The following TIAM2 variants were observed in gnomAD, a reference collection of about 807,000 sequenced individuals.
The protein encoded by TIAM2 is rho guanine nucleotide exchange factor TIAM2.
In TIAM2, 80 loss-of-function variants were observed where a neutral mutation model predicts 152.9. The ratio of observed to expected loss-of-function variants is 0.52; its 90% CI spans 0.44 to 0.63. TIAM2 has a LOEUF of 0.63. Ranked by LOEUF, TIAM2 falls within the 30% of genes least tolerant of loss-of-function variation. The pLI is 0.00. For missense variants in TIAM2, 1,965 were observed against 2,120.1 expected, an observed-to-expected ratio of 0.93 and a Z score of 1.44; for synonymous variants, 804 against 838.0, an observed-to-expected ratio of 0.96 and a Z score of 0.70.
intron 1 of TIAM2, among the ~76,000 whole-genome samples, chr6:155,003,216 G>A (rs745458155): frequency 1.5e-4 from 23 of 152,102 alleles, no homozygotes; most frequent in Non-Finnish European, 2.9e-4. Context: ...AGGTTGATCC[G>A]TTTTTTTCCG....
chr6:155,095,518 G>A (rs1778400126), intron 2 of TIAM2, among the ~76,000 whole-genome samples: 1 of 152,152 alleles, frequency 6.6e-6, no homozygotes, highest in Non-Finnish European at 1.5e-5. Context: ...GTTGCTGGAA[G>A]GAGTTCTCAT....
chr6:155,116,616 AGGACG>A (rs879529022), intron 2 of TIAM2, among the ~76,000 whole-genome samples: 1 of 152,202 alleles, frequency 6.6e-6, no homozygotes, highest in Admixed American at 6.5e-5. Flanking sequence ...GGGGTTTAGG[AGGACG>A]GTATCTGCTT....
intron 2 of TIAM2, among the ~76,000 whole-genome samples, chr6:155,110,313 C>CTTTTTT (rs1488922028): frequency 3.3e-5 from 3 of 90,354 alleles, no homozygotes; most frequent in South Asian, 2.7e-4. Context: ...TTTCCTCTTT[C>CTTTTTT]TTTTCTTTTT....
At chr6:155,011,400 T>C (rs1778487141) in intron 1 of TIAM2, among the ~76,000 whole-genome samples, 1 of 109,352 alleles carries the variant, frequency 9.1e-6, no homozygotes, top group African/African-American at 3.7e-5. Flanking sequence ...ATGAACAGTA[T>C]TGAGATCCTG....
At chr6:155,192,921 A>G (rs949707323) in intron 14 of TIAM2, among the ~76,000 whole-genome samples, 7 of 152,370 alleles carry the variant, frequency 4.6e-5, no homozygotes, top group East Asian at 1.9e-4. Context: ...GTTGGTTGCA[A>G]TGCGGAACCT....
chr6:155,125,589 A>C (rs1368534733), intron 2 of TIAM2, among the ~76,000 whole-genome samples: 2 of 152,152 alleles, frequency 1.3e-5, no homozygotes, highest in Non-Finnish European at 2.9e-5. Context: ...CTGTTATCCC[A>C]GCACTTTGGG....
intron 1 of TIAM2, among the ~76,000 whole-genome samples, chr6:155,052,965 C>T (rs1777352346): frequency 6.6e-6 from 1 of 151,932 alleles, no homozygotes; most frequent in Non-Finnish European, 1.5e-5. Context: ...AGGAGAATTG[C>T]GTTATTAATG....
At chr6:155,000,987 C>A (rs1204370589) in intron 1 of TIAM2, among the ~76,000 whole-genome samples, 1 of 151,930 alleles carries the variant, frequency 6.6e-6, no homozygotes, top group Non-Finnish European at 1.5e-5. Flanking sequence ...CCATCTCAAA[C>A]AAACAAACAA....
intron 7 of TIAM2, among the ~76,000 whole-genome samples, chr6:155,157,442 C>A (rs1352045511): frequency 6.6e-6 from 1 of 150,910 alleles, no homozygotes; most frequent in Admixed American, 6.6e-5. Context: ...TATTTCTTTT[C>A]TTTTTCTTTC....
At chr6:155,031,038 T>C (rs1454911915) in intron 1 of TIAM2, among the ~76,000 whole-genome samples, 1 of 152,220 alleles carries the variant, frequency 6.6e-6, no homozygotes, top group East Asian at 1.9e-4. Flanking sequence ...GTTCTCTTTG[T>C]TGTGTGTGGC....
intron 2 of TIAM2, among the ~76,000 whole-genome samples, chr6:155,112,888 C>A (rs1313087163): frequency 6.6e-6 from 1 of 151,934 alleles, no homozygotes; most frequent in Non-Finnish European, 1.5e-5. Context: ...CCCCTACCAC[C>A]CCCCTCCCTT....
At chr6:155,073,679 AGAATT>A (rs1777894155) in intron 1 of TIAM2, among the ~76,000 whole-genome samples, 1 of 152,152 alleles carries the variant, frequency 6.6e-6, no homozygotes, top group South Asian at 2.1e-4. Context: ...GAAAAAAAAA[AGAATT>A]GAAGAGTCTC....
At chr6:155,004,786 A>T (rs559129101) in intron 1 of TIAM2, 1 of 152,860 alleles carries the variant, frequency 6.5e-6, no homozygotes, top group Admixed American at 6.5e-5. Context: ...CCAGGCGAAT[A>T]GACTATTGCA....
intron 2 of TIAM2, among the ~76,000 whole-genome samples, chr6:155,115,410 A>G (rs1246666725): frequency 6.6e-6 from 1 of 151,746 alleles, no homozygotes; most frequent in East Asian, 2.0e-4. Context: ...TTGGGAGGCC[A>G]AGGCAGGAGG....
intron 15 of TIAM2, chr6:155,217,074 C>CT: frequency 7.8e-7 from 1 of 1,289,332 alleles, no homozygotes; most frequent in Non-Finnish European, 1.0e-6. Context: ...TGAACTTTTC[C>CT]TTTTTATGTA....
chr6:155,193,289 A>G (rs1781254187), intron 14 of TIAM2, among the ~76,000 whole-genome samples: 1 of 152,140 alleles, frequency 6.6e-6, no homozygotes, highest in South Asian at 2.1e-4. Flanking sequence ...CTGTAGTCCA[A>G]GCTACTTAGG....
chr6:155,215,680 T>A (rs2115226185), intron 15 of TIAM2, among the ~76,000 whole-genome samples: 1 of 151,402 alleles, frequency 6.6e-6, no homozygotes, highest in South Asian at 2.1e-4. Context: ...AATTTAAGGA[T>A]CACATTTTTT....
intron 7 of TIAM2, among the ~76,000 whole-genome samples, chr6:155,161,737 T>A (rs781211260): frequency 3.3e-5 from 1 of 30,442 alleles, no homozygotes; most frequent in East Asian, 1.0e-3. Flanking sequence ...CTGGCTAATG[T>A]TTTTTTTTTT....
chr6:155,249,424 T>C (rs1024558939), intron 20 of TIAM2, among the ~76,000 whole-genome samples: 1 of 152,202 alleles, frequency 6.6e-6, no homozygotes, highest in Non-Finnish European at 1.5e-5. Context: ...CCTGGCTCCA[T>C]TCTTGTGTTT....
Sources: allele counts gnomAD v4.1 joint callset (sites outside exome capture counted in the v4.1 genomes callset), GRCh38; gene constraint gnomAD v4.1.1; transcripts MANE v1.5; gene names NCBI Gene and HGNC (gene_info 2026-07-23, HGNC 2026-07-21).